HS6ST3: variants seen among roughly 807,000 people sequenced by gnomAD.
The protein encoded by HS6ST3 is heparan sulfate 6-O-sulfotransferase 3, also known as heparan-sulfate 6-O-sulfotransferase 3.
Under a neutral mutation model 36.7 loss-of-function variants are expected in HS6ST3, and 12 were observed. The ratio of observed to expected loss-of-function variants is 0.33; its 90% CI spans 0.21 to 0.53. The LOEUF (loss-of-function observed/expected upper bound fraction) is 0.53. Among genes scored for constraint, HS6ST3 ranks in the 20% least tolerant of loss-of-function variants. HS6ST3 has a pLI of 0.95. For synonymous variants in HS6ST3, 240 were observed against 257.5 expected (o/e 0.93, Z 0.65); for missense variants, 584 against 640.9 (o/e 0.91, Z 0.96).
chr13:96,360,632 T>C (rs1464029877), intron 1 of HS6ST3, among the ~76,000 whole-genome samples: 1 of 131,034 alleles, frequency 7.6e-6, no homozygotes, highest in East Asian at 2.2e-4. Context: ...TGACTTATGT[T>C]GTTTTTGTAT....
chr13:96,300,258 T>C (rs2054875462), intron 1 of HS6ST3, among the ~76,000 whole-genome samples: 2 of 151,824 alleles, frequency 1.3e-5, no homozygotes. Context: ...AGTTTCACCA[T>C]GTTGGCCAGG....
intron 1 of HS6ST3, among the ~76,000 whole-genome samples, chr13:96,327,612 G>A (rs910952508): frequency 4.4e-4 from 67 of 151,836 alleles, no homozygotes; most frequent in African/African-American, 1.3e-3. Flanking sequence ...GTCAGGTAGC[G>A]TGATGCCTCC....
At chr13:96,703,932 C>T (rs1323869362) in intron 1 of HS6ST3, among the ~76,000 whole-genome samples, 3 of 152,286 alleles carry the variant, frequency 2.0e-5, no homozygotes, top group Non-Finnish European at 4.4e-5. Context: ...TCCCCACCCC[C>T]ACAAGCTGCC....
intron 1 of HS6ST3, among the ~76,000 whole-genome samples, chr13:96,336,030 T>TC (rs1368177093): frequency 1.3e-5 from 2 of 152,188 alleles, no homozygotes; most frequent in African/African-American, 2.4e-5. Context: ...AAATATTGCA[T>TC]CCCTAAGCAT....
intron 1 of HS6ST3, among the ~76,000 whole-genome samples, chr13:96,464,481 T>C (rs1202189300): frequency 6.6e-6 from 1 of 152,112 alleles, no homozygotes; most frequent in Non-Finnish European, 1.5e-5. Flanking sequence ...TGACTTAAAA[T>C]ACCACTTTCA....
intron 1 of HS6ST3, among the ~76,000 whole-genome samples, chr13:96,680,066 T>C (rs755465534): frequency 2.0e-5 from 3 of 152,084 alleles, no homozygotes; most frequent in Non-Finnish European, 4.4e-5. Flanking sequence ...ATCCCATCCA[T>C]CCAAGACAGG....
intron 1 of HS6ST3, among the ~76,000 whole-genome samples, chr13:96,314,038 C>CA (rs2054955574): frequency 1.3e-5 from 2 of 151,958 alleles, no homozygotes; most frequent in Non-Finnish European, 2.9e-5. Flanking sequence ...CCATCTCTAC[C>CA]AAAAATACAA....
chr13:96,524,125 G>T (rs931830576), intron 1 of HS6ST3, among the ~76,000 whole-genome samples: 1 of 152,154 alleles, frequency 6.6e-6, no homozygotes, highest in Non-Finnish European at 1.5e-5. Context: ...TCAGCTGCAG[G>T]TCTGTTGGAG....
chr13:96,734,209 C>T (rs934455548), intron 1 of HS6ST3, among the ~76,000 whole-genome samples: 27 of 152,198 alleles, frequency 1.8e-4, no homozygotes, highest in Admixed American at 1.6e-3. Context: ...AATTGCCTGA[C>T]ACCTAGGAAG....
At position 96,377,330 on chromosome 13, in the gene HS6ST3, G is replaced by A. The variant is rs2055319663; in HGVS notation, c.707+285761G>A. Among the ~76,000 whole-genome samples, 4 of 151,902 alleles carry A rather than the reference G, an allele frequency of 2.6e-5. No individual in the cohort carries two copies. In the South Asian group the frequency reaches 6.2e-4, roughly 24 times the overall value. On this transcript the variant is annotated intron_variant, in intron 1 of 1. Coordinates refer to ENST00000376705, the MANE Select transcript of HS6ST3 (RefSeq NM_153456.4). ...GTCACACCACTGCACTTCAGCCTGGGTGACAGAGAAAGACCCTGTCTCAAA... is the reference window on the plus strand; with the variant it reads ...GTCACACCACTGCACTTCAGCCTGGATGACAGAGAAAGACCCTGTCTCAAA...
intron 1 of HS6ST3, among the ~76,000 whole-genome samples, chr13:96,127,493 C>A (rs74665802): frequency 2.6e-5 from 4 of 152,220 alleles, no homozygotes; most frequent in Non-Finnish European, 5.9e-5. Context: ...GCTCGCTTGC[C>A]TGCCACTCAC....
intron 1 of HS6ST3, among the ~76,000 whole-genome samples, chr13:96,711,278 C>T (rs1477477958): frequency 1.3e-5 from 2 of 152,080 alleles, no homozygotes; most frequent in Non-Finnish European, 2.9e-5. Context: ...CAGAACCTGG[C>T]CAGCCAGAAC....
intron 1 of HS6ST3, among the ~76,000 whole-genome samples, chr13:96,627,518 T>C (rs907413280): frequency 1.3e-5 from 2 of 152,008 alleles, no homozygotes; most frequent in Non-Finnish European, 2.9e-5. Context: ...TTACTGTTTG[T>C]TTTAAGGTAA....
intron 1 of HS6ST3, among the ~76,000 whole-genome samples, chr13:96,603,058 ATGT>A (rs150021291): frequency 2.5e-3 from 380 of 152,194 alleles, no homozygotes; most frequent in African/African-American, 8.2e-3. Flanking sequence ...ATAATTATTA[ATGT>A]TGTTGTTTTC....
At chr13:96,391,597 T>C (rs1454080695) in intron 1 of HS6ST3, among the ~76,000 whole-genome samples, 1 of 152,174 alleles carries the variant, frequency 6.6e-6, no homozygotes, top group Admixed American at 6.6e-5. Flanking sequence ...AGAGGTTTAA[T>C]GGACTTACAG....
At chr13:96,591,170 C>T (rs1005952868) in intron 1 of HS6ST3, among the ~76,000 whole-genome samples, 1 of 151,840 alleles carries the variant, frequency 6.6e-6, no homozygotes, top group African/African-American at 2.4e-5. Context: ...ATAGCTTTGA[C>T]TATTCTGAGT....
chr13:96,242,062 G>A (rs893353263), intron 1 of HS6ST3, among the ~76,000 whole-genome samples: 1 of 151,974 alleles, frequency 6.6e-6, no homozygotes, highest in Non-Finnish European at 1.5e-5. Flanking sequence ...TGAGATTACA[G>A]GCGTGAGCCA....
chr13:96,545,340 A>C (rs2056193823), intron 1 of HS6ST3, among the ~76,000 whole-genome samples: 1 of 152,206 alleles, frequency 6.6e-6, no homozygotes, highest in African/African-American at 2.4e-5. Flanking sequence ...AACATAGTAA[A>C]GAGAAATTAA....
At chr13:96,262,133 A>G (rs1019305409) in intron 1 of HS6ST3, among the ~76,000 whole-genome samples, 1 of 152,226 alleles carries the variant, frequency 6.6e-6, no homozygotes, top group African/African-American at 2.4e-5. Flanking sequence ...AGATATCAAC[A>G]TCATCACAAC....
Sources: allele counts gnomAD v4.1 joint callset (sites outside exome capture counted in the v4.1 genomes callset), GRCh38; gene constraint gnomAD v4.1.1; transcripts MANE v1.5; gene names NCBI Gene and HGNC (gene_info 2026-07-23, HGNC 2026-07-21).